FAAH2: variants seen among roughly 807,000 people sequenced by gnomAD.
The protein encoded by FAAH2 is fatty acid amide hydrolase 2.
Under a neutral mutation model 36.9 loss-of-function variants are expected in FAAH2, and 60 were observed. The ratio of observed to expected loss-of-function variants is 1.63; its 90% CI spans 1.32 to 2.02. FAAH2 has a LOEUF of 2.02. FAAH2 is among the 30% of genes most tolerant of loss of function. The probability of loss-of-function intolerance (pLI) is 0.00; values close to 1 mark genes in which losing one functional copy is unlikely to be tolerated. For missense variants in FAAH2, 689 were observed against 397.5 expected (o/e 1.73, Z -6.23); for synonymous variants, 214 against 143.8 (o/e 1.49, Z -3.49).
chrX:57,329,691 T>G (rs1051573427), intron 3 of FAAH2, among the ~76,000 whole-genome samples: 21 of 108,103 alleles, frequency 1.9e-4, no homozygotes, highest in African/African-American at 6.1e-4. Context: ...CGTGGGCGAG[T>G]GCATGTAGGC....
intron 7 of FAAH2, among the ~76,000 whole-genome samples, chrX:57,408,531 C>T (rs1451016945): frequency 1.1e-5 from 1 of 91,784 alleles, no homozygotes; most frequent in Non-Finnish European, 2.3e-5. Context: ...TTCCAATTTG[C>T]ATGCTATTTA....
At chrX:57,487,144 A>G (rs1324087971) in intron 10 of FAAH2, among the ~76,000 whole-genome samples, 1 of 111,348 alleles carries the variant, frequency 9.0e-6, no homozygotes, top group Non-Finnish European at 1.9e-5. Context: ...TGTAAAATAA[A>G]TAGGAGACCT....
intron 10 of FAAH2, among the ~76,000 whole-genome samples, chrX:57,481,876 C>T (rs1241500265): frequency 8.9e-6 from 1 of 112,054 alleles, no homozygotes; most frequent in African/African-American, 3.2e-5. Flanking sequence ...CCCCCAGATG[C>T]TCTGTCCCAG....
At chrX:57,279,194 G>A in the FAAH2 span, among the ~76,000 whole-genome samples, 1 of 112,225 alleles carries the variant, frequency 8.9e-6, no homozygotes, top group African/African-American at 3.2e-5. Flanking sequence ...CAAAGACTTG[G>A]AACCAACCAA....
intron 7 of FAAH2, among the ~76,000 whole-genome samples, chrX:57,397,582 G>C (rs2055334793): frequency 9.0e-6 from 1 of 110,746 alleles, no homozygotes; most frequent in African/African-American, 3.3e-5. Flanking sequence ...CTTCACAGAG[G>C]CTAAAAACAG....
At chrX:57,251,383 A>G in the FAAH2 span, among the ~76,000 whole-genome samples, 1 of 111,810 alleles carries the variant, frequency 8.9e-6, no homozygotes, top group Non-Finnish European at 1.9e-5. Context: ...CCCCAAGTCA[A>G]CAGCTAACCT....
At chrX:57,381,631 C>G in intron 7 of FAAH2, 1 of 367,336 alleles carries the variant, frequency 2.7e-6, no homozygotes, top group Non-Finnish European at 3.5e-6. Flanking sequence ...AGCTAACTAC[C>G]CTAAATATAT....
At chrX:57,265,574 G>A in the FAAH2 span, among the ~76,000 whole-genome samples, 2 of 111,173 alleles carry the variant, frequency 1.8e-5, no homozygotes, top group Non-Finnish European at 3.8e-5. Flanking sequence ...CCAAAACATG[G>A]CCAGATTGCT....
chrX:57,429,867 A>ATT (rs201174458), intron 7 of FAAH2, among the ~76,000 whole-genome samples: 8 of 106,670 alleles, frequency 7.5e-5, no homozygotes, highest in South Asian at 4.0e-4. Context: ...GAATAAAGTC[A>ATT]TTTTTTTTTT....
At chrX:57,157,693 C>T in the FAAH2 span, among the ~76,000 whole-genome samples, 75 of 111,771 alleles carry the variant, frequency 6.7e-4, no homozygotes, top group Middle Eastern at 4.7e-3. Context: ...AATCACCTGA[C>T]GTTTTGGTTC....
chrX:57,407,896 T>C lies in FAAH2; in HGVS notation c.997-24022T>C, dbSNP rs952990307. Among the ~76,000 whole-genome samples, 18 of 112,294 alleles carry C rather than the reference T, an allele frequency of 1.6e-4. No individual in the cohort carries two copies. In the East Asian group the frequency reaches 3.4e-3, roughly 21 times the overall value. On this transcript the variant is annotated intron_variant, in intron 7 of 10. Coordinates refer to ENST00000374900, the MANE Select transcript of FAAH2 (RefSeq NM_174912.4). ...TATCCAGATTTCATAAAATAACTTATTGAAGAGATTGTTCTTTCTTCACTA... is the reference window on the plus strand; with the variant it reads ...TATCCAGATTTCATAAAATAACTTACTGAAGAGATTGTTCTTTCTTCACTA...
intron 5 of FAAH2, among the ~76,000 whole-genome samples, chrX:57,347,942 C>T (rs2053874719): frequency 1.8e-5 from 2 of 110,575 alleles, no homozygotes; most frequent in African/African-American, 6.6e-5. Flanking sequence ...GACTCTTCTG[C>T]ATTTCTGAAT....
the FAAH2 span, among the ~76,000 whole-genome samples, chrX:57,191,236 T>C: frequency 1.8e-5 from 2 of 112,168 alleles, no homozygotes; most frequent in Non-Finnish European, 3.8e-5. Context: ...TCTCTGAAGA[T>C]TAATGATGCT....
chrX:57,275,912 G>C, the FAAH2 span, among the ~76,000 whole-genome samples: 6 of 111,685 alleles, frequency 5.4e-5, no homozygotes, highest in Non-Finnish European at 9.4e-5. Context: ...GGAGCACCCA[G>C]ATTCATAAAG....
At chrX:57,355,627 AT>A (rs58710617) in intron 5 of FAAH2, among the ~76,000 whole-genome samples, 1,511 of 109,001 alleles carry the variant, frequency 0.014, 18 homozygotes, top group African/African-American at 0.047. Context: ...TAACTGATTT[AT>A]TTTTTTTTAA....
At chrX:57,195,828 A>C in the FAAH2 span, among the ~76,000 whole-genome samples, 2 of 112,177 alleles carry the variant, frequency 1.8e-5, no homozygotes, top group African/African-American at 3.2e-5. Flanking sequence ...GTGGCTTGCC[A>C]ATTATCCCAG....
At chrX:57,455,749 T>G (rs2056854542) in intron 10 of FAAH2, among the ~76,000 whole-genome samples, 1 of 111,991 alleles carries the variant, frequency 8.9e-6, no homozygotes, top group Non-Finnish European at 1.9e-5. Flanking sequence ...CAACAGGAAG[T>G]CTTAACTATC....
chrX:57,381,485 G>A (rs1037422766), intron 7 of FAAH2: 3 of 606,907 alleles, frequency 4.9e-6, no homozygotes, highest in African/African-American at 4.9e-5. Context: ...AATAATAAGG[G>A]GAACAGACCT....
chrX:57,418,757 A>G (rs1408005158), intron 7 of FAAH2, among the ~76,000 whole-genome samples: 1 of 109,397 alleles, frequency 9.1e-6, no homozygotes, highest in Non-Finnish European at 1.9e-5. Context: ...TTTAGGGTAC[A>G]TGTGCACAAT....
Sources: gnomAD v4.1 joint callset for allele counts (sites outside exome capture counted in the v4.1 genomes callset) on GRCh38, gnomAD v4.1.1 for gene constraint, MANE v1.5 for transcripts, NCBI Gene and HGNC (gene_info 2026-07-23, HGNC 2026-07-21) for gene names.